Variants in MCTP2 observed in about 807,000 individuals in gnomAD.
MCTP2 encodes the protein multiple C2 and transmembrane domain containing 2.
In MCTP2, 132 loss-of-function variants were observed where a neutral mutation model predicts 111.6. That is an observed-to-expected ratio of 1.18 (90% CI 1.03 to 1.37). The LOEUF (loss-of-function observed/expected upper bound fraction) is 1.37. MCTP2 is among the 40% of genes most tolerant of loss of function. MCTP2 has a pLI of 0.00. For missense variants in MCTP2, 1,183 were observed against 1,067.9 expected, an observed-to-expected ratio of 1.11 and a Z score of -1.50; for synonymous variants, 395 against 387.7, an observed-to-expected ratio of 1.02 and a Z score of -0.22.
chr15:94,300,546 A>G, intron 2 of MCTP2, among the ~76,000 whole-genome samples: 1 of 150,486 alleles, frequency 6.6e-6, no homozygotes, highest in Non-Finnish European at 1.5e-5. Flanking sequence ...GTCTTTGTTG[A>G]TTAAACAGAA....
intron 20 of MCTP2, among the ~76,000 whole-genome samples, chr15:94,461,024 T>TCG (rs142742586): frequency 6.6e-6 from 1 of 151,580 alleles, no homozygotes; most frequent in Non-Finnish European, 1.5e-5. Context: ...TACTGATGGG[T>TCG]TGGGGGGGAC....
chr15:94,276,359 T>TA lies in MCTP2; in HGVS notation c.-65-21836dup, dbSNP rs145143220. ...GAACTTATTAAACTAATACAAGATG[T>TA]AAAAAACCTAAATGAGTTTAAAACC... is the stretch of plus-strand genomic sequence containing the variant. On this transcript the variant is annotated intron_variant, in intron 1 of 22. Transcript: ENST00000357742. Among the ~76,000 whole-genome samples, 140 of 152,238 alleles carry TA rather than the reference T, an allele frequency of 9.2e-4. 1 individual carries two copies. Among genetic ancestry groups the TA allele is most frequent in the Non-Finnish European group, 1.7e-3 (113 of 67,990 alleles).
chr15:94,257,565 TGTTG>T (rs1370214543), intron 1 of MCTP2, among the ~76,000 whole-genome samples: 32 of 64,316 alleles, frequency 5.0e-4, no homozygotes, highest in Non-Finnish European at 9.0e-4. Context: ...TCATTTTCTT[TGTTG>T]TTTTTTTTTT....
chr15:94,290,669 A>G (rs1039211401), intron 1 of MCTP2, among the ~76,000 whole-genome samples: 1 of 152,246 alleles, frequency 6.6e-6, no homozygotes, highest in South Asian at 2.1e-4. Context: ...ACTCACTTCA[A>G]ATATATTGTT....
chr15:94,330,187 T>C (rs745664850), intron 4 of MCTP2, among the ~76,000 whole-genome samples: 1 of 152,238 alleles, frequency 6.6e-6, no homozygotes. Context: ...GTGTAAAGCA[T>C]GTCTATCTCC....
At chr15:94,385,018 C>A (rs1416862221) in intron 13 of MCTP2, among the ~76,000 whole-genome samples, 3 of 152,140 alleles carry the variant, frequency 2.0e-5, no homozygotes, top group Admixed American at 6.5e-5. Flanking sequence ...TGATTTTTCA[C>A]CACCATTTTA....
intron 2 of MCTP2, among the ~76,000 whole-genome samples, chr15:94,308,971 A>G (rs1029198132): frequency 2.0e-5 from 3 of 152,240 alleles, no homozygotes; most frequent in African/African-American, 7.2e-5. Flanking sequence ...ATTAGATTAG[A>G]CAGTCAATAC....
intron 1 of MCTP2, among the ~76,000 whole-genome samples, chr15:94,264,247 A>G (rs2073372469): frequency 6.6e-6 from 1 of 152,140 alleles, no homozygotes; most frequent in Admixed American, 6.5e-5. Context: ...CTGCTCTATC[A>G]CTTACTGTTT....
intron 1 of MCTP2, among the ~76,000 whole-genome samples, chr15:94,249,718 C>T (rs1191805206): frequency 6.6e-6 from 1 of 152,018 alleles, no homozygotes; most frequent in African/African-American, 2.4e-5. Context: ...ATCTCCTGAC[C>T]TCGTGATCCA....
At chr15:94,401,534 C>A (rs1014902151) in intron 16 of MCTP2, among the ~76,000 whole-genome samples, 5 of 152,178 alleles carry the variant, frequency 3.3e-5, no homozygotes, top group African/African-American at 1.2e-4. Context: ...ATCTCTCTCT[C>A]TCTGTCTTTC....
At chr15:94,354,282 A>G (rs2078482595) in intron 8 of MCTP2, among the ~76,000 whole-genome samples, 1 of 152,108 alleles carries the variant, frequency 6.6e-6, no homozygotes, top group African/African-American at 2.4e-5. Flanking sequence ...TCACATGGAT[A>G]TTGATATGGT....
At chr15:94,444,330 A>G (rs560652879) in intron 19 of MCTP2, among the ~76,000 whole-genome samples, 4 of 152,344 alleles carry the variant, frequency 2.6e-5, no homozygotes, top group African/African-American at 7.2e-5. Flanking sequence ...GCTTCCAGAA[A>G]CGGTATTTTT....
chr15:94,284,332 CAGAG>C (rs1356218627), intron 1 of MCTP2, among the ~76,000 whole-genome samples: 4 of 152,196 alleles, frequency 2.6e-5, no homozygotes, highest in African/African-American at 9.6e-5. Flanking sequence ...GGCTGAAAAA[CAGAG>C]AGAGAAACTG....
At chr15:94,334,286 T>TCC (rs2077256185) in intron 4 of MCTP2, among the ~76,000 whole-genome samples, 2 of 152,328 alleles carry the variant, frequency 1.3e-5, no homozygotes, top group African/African-American at 4.8e-5. Context: ...CAAAGTTATA[T>TCC]AGTTAGTAAA....
intron 1 of MCTP2, among the ~76,000 whole-genome samples, chr15:94,232,674 C>T (rs910627045): frequency 2.6e-5 from 4 of 152,248 alleles, no homozygotes; most frequent in African/African-American, 9.6e-5. Flanking sequence ...AATCTTAAGG[C>T]ACTTATTCCT....
chr15:94,254,360 G>A (rs6497183), intron 1 of MCTP2, among the ~76,000 whole-genome samples: 65,078 of 151,956 alleles, frequency 0.43, 14,300 homozygotes, highest in Middle Eastern at 0.57. Flanking sequence ...AGATGTTGTG[G>A]TCAGAGAGAA....
At position 94,483,589 on chromosome 15, in the gene MCTP2, C is replaced by A. The variant is rs1342299175; in HGVS notation, c.*4555C>A. 3 of 152,128 alleles carry A rather than the reference C, an allele frequency of 2.0e-5. No individual in the cohort carries two copies. The highest frequency in any genetic ancestry group is 7.2e-5 in the African/African-American group (3 of 41,418). The allele number at this position is 152,128 out of a possible 1,614,324, so 9.4% of individuals were successfully genotyped here. ...TACAGCTGGAGGCCATTATCCTTAG[C>A]AAACTAATGCAGCAACAGAAAACCA... On this transcript the variant is annotated 3_prime_UTR_variant, in exon 23 of 23. Coordinates refer to ENST00000357742, the MANE Select transcript of MCTP2 (RefSeq NM_001385001.1).
intron 4 of MCTP2, among the ~76,000 whole-genome samples, chr15:94,318,402 G>C (rs768828842): frequency 2.2e-4 from 34 of 151,626 alleles, no homozygotes; most frequent in South Asian, 1.5e-3. Flanking sequence ...TCCTGCCTCA[G>C]CCTCCCAAAT....
intron 2 of MCTP2, among the ~76,000 whole-genome samples, chr15:94,310,226 G>A (rs574182214): frequency 5.5e-4 from 84 of 152,280 alleles, no homozygotes; most frequent in African/African-American, 1.9e-3. Context: ...TTTAAATACT[G>A]TATGATTCCA....
Sources: gnomAD v4.1 joint callset for allele counts (sites outside exome capture counted in the v4.1 genomes callset) on GRCh38, gnomAD v4.1.1 for gene constraint, MANE v1.5 for transcripts, NCBI Gene and HGNC (gene_info 2026-07-23, HGNC 2026-07-21) for gene names.